The following LETM1 variants were observed in gnomAD, a reference collection of about 807,000 sequenced individuals.
LETM1 encodes leucine zipper and EF-hand containing transmembrane protein 1.
LETM1 carries 50 observed loss-of-function variants against 74.5 expected under a neutral mutation model. The observed-to-expected ratio is 0.67, with a 90% CI of 0.53 to 0.85. The LOEUF (loss-of-function observed/expected upper bound fraction) is 0.85, where lower values mean the gene tolerates loss of function less well. LETM1 is among the 40% of genes least tolerant of loss of function. LETM1 has a pLI of 0.00. For missense variants in LETM1, 824 were observed against 967.8 expected (o/e 0.85, Z 1.97); for synonymous variants, 446 against 407.1 (o/e 1.10, Z -1.15).
At chr4:1,827,671 GTC>G (rs1250228495) in intron 6 of LETM1, among the ~76,000 whole-genome samples, 1 of 142,642 alleles carries the variant, frequency 7.0e-6, no homozygotes, top group Non-Finnish European at 1.5e-5. Context: ...AAAATGAAAA[GTC>G]TCCCATGCCT....
intron 13 of LETM1, 23 bp downstream of exon 13, chr4:1,815,641 G>A (rs1020626055): frequency 1.9e-6 from 3 of 1,612,988 alleles, no homozygotes; most frequent in African/African-American, 1.3e-5. Context: ...CGGATGGCCT[G>A]CGTGGTCCCC....
intron 10 of LETM1, among the ~76,000 whole-genome samples, 176 bp from the exon 11 acceptor site, chr4:1,819,648 G>A (rs1356646856): frequency 2.0e-5 from 3 of 152,218 alleles, no homozygotes; most frequent in Non-Finnish European, 4.4e-5. Context: ...GCTGGCTGCT[G>A]CACGCAGTCA....
In LETM1 at chr4:1,835,459, AAAC is replaced by A. The variant is rs1712432331; in HGVS notation, c.739-480_739-478del. On this transcript the variant is annotated intron_variant, in intron 4 of 13. Coordinates refer to ENST00000302787, the MANE Select transcript of LETM1 (RefSeq NM_012318.3). ...CCGTCTCAAAAAAAAAACAAAAACAAAACAAAAACAAACAAACAAACAAACAAA... is the reference window on the plus strand; with the variant it reads ...CCGTCTCAAAAAAAAAACAAAAACAAAAAAACAAACAAACAAACAAACAAA... Among the ~76,000 whole-genome samples, 3 of 150,218 alleles carry A rather than the reference AAAC, an allele frequency of 2.0e-5. No homozygotes were observed. In the South Asian group the frequency reaches 6.2e-4, roughly 31 times the overall value.
Position 1,819,404 on chromosome 4 carries a change from C to A in LETM1, c.1677G>T (p.Lys559Asn), listed in dbSNP as rs1711694582. The A allele has an allele frequency of 2.5e-6, 4 of 1,614,018 alleles. No homozygotes were observed. Among genetic ancestry groups the A allele is most frequent in the Non-Finnish European group, 3.4e-6 (4 of 1,179,964 alleles). The change falls in exon 11 of 14, where the codon AAG becomes AAT. Residue 559 changes from lysine (K) to asparagine (N), a missense_variant. By Grantham distance (94) the Lys-to-Asn change is moderately conservative. Around this residue, in one of 4 missense-constraint regions of LETM1, gnomAD observed 161 missense variants for 252.7 expected, o/e 0.64. Transcript: ENST00000302787. ...CCTCCTTCTCCTTGGTGAGTGACTT[C>A]TTCTGCTCCTGCAGCTTAGAGCAGG... ...SDACSKLQEQ[K>N]KSLTKEKEEL...
Position 1,834,738 on chromosome 4 carries a change from A to G in LETM1, c.876+107T>C. 6.5e-7 allele frequency: 1 copy of G among 1,535,674 alleles called. No individual in the cohort carries two copies. Among genetic ancestry groups the G allele is most frequent in the Non-Finnish European group, 8.8e-7 (1 of 1,141,078 alleles). On this transcript the variant is annotated intron_variant, in intron 5 of 13. Transcript: ENST00000302787. The surrounding 1 kb of genome is among the most constrained non-coding windows in gnomAD (Gnocchi z 5.0). The stretch of plus-strand genomic sequence containing the variant: ...CCTCCTGGGTAAACTTTCAAGCGCC[A>G]GCCAGCACCTGGGGGAGCTCCACTC...
intron 10 of LETM1, among the ~76,000 whole-genome samples, chr4:1,820,867 TACA>T (rs1168228965): frequency 6.6e-6 from 1 of 151,976 alleles, no homozygotes; most frequent in Non-Finnish European, 1.5e-5. Flanking sequence ...CTACTAAAAA[TACA>T]ACAATTAGCT....
rs115591912 is a variant in LETM1, at chr4:1,816,841, T to C, written c.1817A>G (p.Lys606Arg). The change falls in exon 12 of 14, where the codon AAG (lysine) becomes AGG (arginine). Residue 606 changes from lysine to arginine, a missense_variant. By Grantham distance (26) the Lys-to-Arg change is conservative. This residue lies in a region of LETM1 where 161 missense variants were observed against 252.7 expected (regional missense o/e 0.64). Coordinates refer to ENST00000302787, the MANE Select transcript of LETM1 (RefSeq NM_012318.3). ...TTGCTGCACCCTTTTTGTCAATCTC[T>C]TGCTGGCTTTAGATTCTTCCACGTA... is the stretch of plus-strand genomic sequence containing the variant. ...EKYVEESKAS[K>R]RLTKRVQQMI... is the part of the protein sequence containing the mutation. 1,779 of 1,613,640 alleles carry C rather than the reference T, an allele frequency of 1.1e-3. 23 individuals are homozygous for C. In the African/African-American group the frequency reaches 0.021, roughly 19 times the overall value.
At chr4:1,821,460 G>A (rs1285528350) in intron 10 of LETM1, among the ~76,000 whole-genome samples, 1 of 151,538 alleles carries the variant, frequency 6.6e-6, no homozygotes, top group African/African-American at 2.4e-5. Context: ...AGGCTGAGGC[G>A]GGAAGATCAC....
intron 9 of LETM1, chr4:1,822,703 C>T (rs959638158): frequency 8.2e-6 from 3 of 364,666 alleles, no homozygotes; most frequent in African/African-American, 6.2e-5. Context: ...CACAGCAAGT[C>T]CCTGAGGAGA....
chr4:1,816,824 C>A lies in LETM1; in HGVS notation c.1834G>T (p.Val612Leu), dbSNP rs1330465036. Reference sequence around the variant, plus strand: ...TCGATCTGCCCGATCATTTGCTGCACCCTTTTTGTCAATCTCTTGCTGGCT... The same window carrying A: ...TCGATCTGCCCGATCATTTGCTGCAACCTTTTTGTCAATCTCTTGCTGGCT... ...SKASKRLTKRVQQMIGQIDGL... is the reference protein window; with the variant it reads ...SKASKRLTKRLQQMIGQIDGL... The change falls in exon 12 of 14, where the codon GTG becomes TTG. Residue 612 changes from valine (V) to leucine (L), a missense_variant. Val to Leu is a conservative substitution (Grantham distance 32). Transcript: ENST00000302787. 3 of 1,614,214 alleles carry A rather than the reference C, an allele frequency of 1.9e-6. No homozygotes were observed. The highest frequency in any genetic ancestry group is 1.1e-5 in the South Asian group (1 of 91,090).
intron 4 of LETM1, 62 bp from the exon 5 acceptor site, chr4:1,835,044 C>T (rs1250899600): frequency 1.3e-6 from 2 of 1,550,844 alleles, no homozygotes; most frequent in Non-Finnish European, 1.8e-6. Context: ...GCAAGGAAAA[C>T]ATCTCACGCC....
chr4:1,814,656 GC>G, intron 13 of LETM1, 83 bp from the exon 14 acceptor site: 1 of 1,237,106 alleles, frequency 8.1e-7, no homozygotes, highest in Non-Finnish European at 1.2e-6. Context: ...GCCGTCAGTC[GC>G]CCCAGCTGGG....
intron 2 of LETM1, among the ~76,000 whole-genome samples, chr4:1,844,506 TG>T (rs1042573356): frequency 6.6e-6 from 1 of 151,916 alleles, no homozygotes; most frequent in African/African-American, 2.4e-5. Flanking sequence ...CCAACGTGGG[TG>T]GATCACTTGA....
At position 1,832,384 on chromosome 4, in the gene LETM1, C is replaced by T. The variant is rs976954853; in HGVS notation, c.1080+360G>A. Among the ~76,000 whole-genome samples, 18 of 152,176 alleles carry T rather than the reference C, an allele frequency of 1.2e-4. No individual in the cohort carries two copies. The South Asian group carries it at 1.7e-3, about 14-fold the overall frequency. On this transcript the variant is annotated intron_variant, in intron 6 of 13. Transcript: ENST00000302787. ...AGGGCGTGAAGCACAGAGGCAAGCA[C>T]GTGCGATGGACAGGACAGGGCAAAG...
intron 6 of LETM1, among the ~76,000 whole-genome samples, chr4:1,828,328 TGACCCC>T (rs1712092474): frequency 2.1e-5 from 2 of 97,540 alleles, no homozygotes; most frequent in Non-Finnish European, 4.0e-5. Context: ...GCAGGGGGGC[TGACCCC>T]CCCCACCTCC....
intron 3 of LETM1, among the ~76,000 whole-genome samples, chr4:1,839,976 C>T (rs144704269): frequency 1.2e-3 from 181 of 152,086 alleles, no homozygotes; most frequent in African/African-American, 3.2e-3. Context: ...TTCTGTGAGC[C>T]GCTCCAGCAA....
At chr4:1,839,568 G>T (rs1454848723) in intron 3 of LETM1, among the ~76,000 whole-genome samples, 13 of 152,250 alleles carry the variant, frequency 8.5e-5, no homozygotes, top group Non-Finnish European at 1.5e-5. Context: ...GGTGTGGTTA[G>T]TTATGACAGG....
At chr4:1,825,178 G>C (rs1371629739) in intron 7 of LETM1, among the ~76,000 whole-genome samples, 1 of 152,240 alleles carries the variant, frequency 6.6e-6, no homozygotes. Flanking sequence ...GTCAGACCGT[G>C]CCATGCCACC....
At chr4:1,845,259 C>A (rs751273685) in intron 2 of LETM1, among the ~76,000 whole-genome samples, 1 of 152,068 alleles carries the variant, frequency 6.6e-6, no homozygotes, top group Non-Finnish European at 1.5e-5. Flanking sequence ...CTGAGGATTA[C>A]CTGCATCTGT....
Sources: gnomAD v4.1 joint callset for allele counts (sites outside exome capture counted in the v4.1 genomes callset) on GRCh38, gnomAD v4.1.1 for gene constraint, gnomAD v4.1.1 regional missense constraint, Gnocchi (gnomAD v3.1) non-coding constraint, MANE v1.5 for transcripts, NCBI Gene and HGNC (gene_info 2026-07-23, HGNC 2026-07-21) for gene names.